TRPC1: variants seen among roughly 807,000 people sequenced by gnomAD.
The protein encoded by TRPC1 is transient receptor potential cation channel subfamily C member 1.
In TRPC1, 42 loss-of-function variants were observed where a neutral mutation model predicts 88.2. The observed-to-expected ratio is 0.48, with a 90% CI of 0.37 to 0.62. The LOEUF is 0.62. TRPC1 is among the 20% of genes least tolerant of loss of function. The pLI, the probability that TRPC1 is intolerant of heterozygous loss-of-function variation, is 0.00. For missense variants in TRPC1, 699 were observed against 957.3 expected, an observed-to-expected ratio of 0.73 and a Z score of 3.56; for synonymous variants, 288 against 331.8, an observed-to-expected ratio of 0.87 and a Z score of 1.43.
At chr3:142,773,796 C>A (rs1935664031) in intron 4 of TRPC1, among the ~76,000 whole-genome samples, 1 of 147,636 alleles carries the variant, frequency 6.8e-6, no homozygotes, top group Non-Finnish European at 1.5e-5. Flanking sequence ...GAAGTCTATC[C>A]CCGCCCCCCT....
chr3:142,790,727 CGTGTGTGTGTGTTT>C (rs1426277000), intron 7 of TRPC1, among the ~76,000 whole-genome samples: 1 of 151,718 alleles, frequency 6.6e-6, no homozygotes, highest in East Asian at 1.9e-4. Context: ...TGCATGCATC[CGTGTGTGTGTGTTT>C]GTGCCCATGT....
intron 1 of TRPC1, 58 bp from the exon 2 acceptor site, chr3:142,736,321 A>G: frequency 7.5e-7 from 1 of 1,328,142 alleles, no homozygotes; most frequent in Non-Finnish European, 1.0e-6. Context: ...TTTTCTTTAC[A>G]GTCATCCTTA....
In TRPC1 at chr3:142,767,299, A is replaced by G. The variant is rs1270521014; in HGVS notation, c.633-10333A>G. On this transcript the variant is annotated intron_variant, in intron 4 of 12. Transcript: ENST00000476941. The surrounding 1 kb of genome is among the most constrained non-coding windows in gnomAD (Gnocchi z 5.1). ...AAAGCTAACTTAAAAAGATGTTTAG[A>G]TCTTTCCCATTTTTAAATTAGTTGC... Among the ~76,000 whole-genome samples, 3 of 152,136 alleles carry G rather than the reference A, an allele frequency of 2.0e-5. No individual in the cohort carries two copies. The highest frequency in any genetic ancestry group is 2.0e-4 in the Admixed American group (3 of 15,286).
chr3:142,766,810 G>A (rs888376617), intron 4 of TRPC1, among the ~76,000 whole-genome samples: 4 of 152,152 alleles, frequency 2.6e-5, no homozygotes, highest in African/African-American at 9.7e-5. Flanking sequence ...TTGTGATCAT[G>A]TGAGGTAATA....
chr3:142,787,801 G>A (rs1936176906), intron 7 of TRPC1, among the ~76,000 whole-genome samples: 1 of 152,158 alleles, frequency 6.6e-6, no homozygotes, highest in African/African-American at 2.4e-5. Flanking sequence ...CATATTATAG[G>A]GGCATTTGCC....
intron 9 of TRPC1, among the ~76,000 whole-genome samples, chr3:142,794,354 A>T (rs1936391015): frequency 6.6e-6 from 1 of 152,084 alleles, no homozygotes; most frequent in Admixed American, 6.6e-5. Context: ...AAAGTATAAT[A>T]TTTTTTAGGA....
chr3:142,782,198 C>T (rs897559651), intron 6 of TRPC1, among the ~76,000 whole-genome samples: 2 of 152,094 alleles, frequency 1.3e-5, no homozygotes, highest in Non-Finnish European at 2.9e-5. Flanking sequence ...AGGTAATTTT[C>T]TAATGATAGC....
rs1933603844 is a variant in TRPC1 at position 142,724,830 on chromosome 3, A to G, written c.172+99A>G. 2 of 1,351,336 alleles carry G rather than the reference A, an allele frequency of 1.5e-6. No individual in the cohort carries two copies. Among genetic ancestry groups the G allele is most frequent in the Admixed American group, 5.9e-5 (2 of 34,054 alleles). The allele number at this position is 1,351,336 out of a possible 1,614,324, so 83.7% of individuals were successfully genotyped here. ...TATATCGGGGCATTCCCTCTGTCTC[A>G]GGCGCCGAGTGTCTTCCCGCCTCGC... On this transcript the variant is annotated intron_variant, in intron 1 of 12. Coordinates refer to ENST00000476941, the MANE Select transcript of TRPC1 (RefSeq NM_001251845.2). The surrounding 1 kb of genome is among the most constrained non-coding windows in gnomAD (Gnocchi z 5.6).
chr3:142,789,651 C>T (rs1936237576), intron 7 of TRPC1, among the ~76,000 whole-genome samples: 5 of 152,120 alleles, frequency 3.3e-5, no homozygotes, highest in Admixed American at 2.0e-4. Flanking sequence ...TTTTGTTACT[C>T]TGTAGTCTCC....
intron 4 of TRPC1, among the ~76,000 whole-genome samples, chr3:142,770,923 C>T (rs1935552815): frequency 6.6e-6 from 1 of 152,200 alleles, no homozygotes. Context: ...ATAGTGCCAG[C>T]ATCTGCTTCT....
chr3:142,794,428 C>A (rs1936394035), intron 9 of TRPC1, among the ~76,000 whole-genome samples: 1 of 152,000 alleles, frequency 6.6e-6, no homozygotes. Flanking sequence ...TGGATTTACC[C>A]TTCTATCTAA....
chr3:142,766,732 T>C (rs562969435), intron 4 of TRPC1, among the ~76,000 whole-genome samples: 1 of 152,224 alleles, frequency 6.6e-6, no homozygotes, highest in South Asian at 2.1e-4. Flanking sequence ...GGACTCCAAG[T>C]TCTTCAGTTT....
chr3:142,804,251 AAAGATTAT>A (rs1312296171), intron 11 of TRPC1, 73 bp downstream of exon 11: 81 of 1,387,870 alleles, frequency 5.8e-5, no homozygotes, highest in African/African-American at 1.4e-4. Context: ...TAAGATAGCC[AAAGATTAT>A]AAGATTATAA....
intron 3 of TRPC1, 61 bp downstream of exon 3, chr3:142,743,647 A>G: frequency 9.3e-7 from 1 of 1,069,788 alleles, no homozygotes; most frequent in Non-Finnish European, 1.2e-6. Context: ...CTCTTGCCCC[A>G]TTGCCATTTT....
chr3:142,736,557 C>T, intron 2 of TRPC1, 24 bp downstream of exon 2: 2 of 1,565,520 alleles, frequency 1.3e-6, no homozygotes, highest in Non-Finnish European at 8.6e-7. Flanking sequence ...TAATTTAATC[C>T]AGTTAACTTC....
At chr3:142,770,093 C>CTTTTTTTT (rs779905124) in intron 4 of TRPC1, among the ~76,000 whole-genome samples, 1 of 95,240 alleles carries the variant, frequency 1.0e-5, no homozygotes, top group African/African-American at 4.8e-5. Context: ...TTGTATGTTC[C>CTTTTTTTT]TTTTTTTTTT....
intron 4 of TRPC1, among the ~76,000 whole-genome samples, chr3:142,775,893 G>A (rs1489048196): frequency 6.6e-6 from 1 of 152,126 alleles, no homozygotes; most frequent in Non-Finnish European, 1.5e-5. Context: ...AGCTGATGGA[G>A]AAAATGAGCT....
chr3:142,732,804 G>GTTTA (rs1933974511), intron 1 of TRPC1, among the ~76,000 whole-genome samples: 5 of 152,186 alleles, frequency 3.3e-5, no homozygotes, highest in Admixed American at 1.3e-4. Flanking sequence ...ACTCTTGAAA[G>GTTTA]CAACTTCGTT....
At chr3:142,788,044 C>G (rs1936183894) in intron 7 of TRPC1, among the ~76,000 whole-genome samples, 1 of 152,186 alleles carries the variant, frequency 6.6e-6, no homozygotes, top group African/African-American at 2.4e-5. Flanking sequence ...GATGAAGCTA[C>G]AGAAACATAT....
Sources: gnomAD v4.1 joint callset for allele counts (sites outside exome capture counted in the v4.1 genomes callset) on GRCh38, gnomAD v4.1.1 for gene constraint, Gnocchi (gnomAD v3.1) non-coding constraint, MANE v1.5 for transcripts, NCBI Gene and HGNC (gene_info 2026-07-23, HGNC 2026-07-21) for gene names.